The following CMSS1 variants were observed in gnomAD, a reference collection of about 807,000 sequenced individuals.
The protein encoded by CMSS1 is protein CMSS1.
CMSS1 carries 33 observed loss-of-function variants against 43.5 expected under a neutral mutation model. The observed-to-expected ratio is 0.76, with a 90% CI of 0.57 to 1.01. The LOEUF (loss-of-function observed/expected upper bound fraction) is 1.01. CMSS1 is among the 50% of genes least tolerant of loss of function. The probability of loss-of-function intolerance (pLI) is 0.00; values close to 1 mark genes in which losing one functional copy is unlikely to be tolerated. For synonymous variants in CMSS1, 115 were observed against 117.2 expected (o/e 0.98, Z 0.12); for missense variants, 313 against 326.4 (o/e 0.96, Z 0.32).
At chr3:99,945,563 T>C (rs1044222228) in intron 1 of CMSS1, among the ~76,000 whole-genome samples, 17 of 152,204 alleles carry the variant, frequency 1.1e-4, no homozygotes, top group Admixed American at 6.5e-5. Flanking sequence ...GAATCATTAC[T>C]CTCCCTTAAG....
At chr3:99,940,066 T>C (rs1323291240) in intron 1 of CMSS1, among the ~76,000 whole-genome samples, 3 of 152,174 alleles carry the variant, frequency 2.0e-5, no homozygotes, top group Non-Finnish European at 4.4e-5. Context: ...TTCTTAGCTG[T>C]GTGTTGTGAA....
chr3:100,174,348 T>C (rs940440471), intron 8 of CMSS1, among the ~76,000 whole-genome samples: 11 of 152,022 alleles, frequency 7.2e-5, no homozygotes, highest in African/African-American at 2.7e-4. Flanking sequence ...TTTTTGTGTG[T>C]CACCAGACTT....
chr3:100,181,267 A>G lies in CMSS1; in HGVS notation c.*2879A>G, dbSNP rs1407303536. The G allele has an allele frequency of 2.0e-5, 3 of 152,240 alleles. No individual in the cohort carries two copies. Among genetic ancestry groups the G allele is most frequent in the Non-Finnish European group, 4.4e-5 (3 of 68,044 alleles). The allele number at this position is 152,240 out of a possible 1,614,324, so 9.4% of individuals were successfully genotyped here. On this transcript the variant is annotated 3_prime_UTR_variant, in exon 10 of 10. Coordinates refer to ENST00000421999, the MANE Select transcript of CMSS1 (RefSeq NM_032359.4). ...CTTTGTAAACGTATAAAAAGACAAC[A>G]ATATAATTACAGCTGTCTTATTAAC... is the stretch of plus-strand genomic sequence containing the variant.
intron 1 of CMSS1, among the ~76,000 whole-genome samples, chr3:99,832,887 T>C (rs572745923): frequency 6.6e-6 from 1 of 150,612 alleles, no homozygotes; most frequent in African/African-American, 2.4e-5. Context: ...TTGTATGACT[T>C]ATCCTTGGAC....
intron 1 of CMSS1, among the ~76,000 whole-genome samples, chr3:99,838,904 C>T (rs1206250183): frequency 6.6e-6 from 1 of 152,162 alleles, no homozygotes; most frequent in Non-Finnish European, 1.5e-5. Context: ...CACAGAGACT[C>T]CCTAGTGCTG....
intron 1 of CMSS1, among the ~76,000 whole-genome samples, chr3:99,946,951 A>G (rs1212593199): frequency 2.0e-5 from 3 of 152,060 alleles, no homozygotes; most frequent in African/African-American, 7.2e-5. Flanking sequence ...CCTGGCCAAC[A>G]TGGCAAAACC....
rs148024111 is a variant in CMSS1, at chr3:100,008,793, G to A, written c.65-138180G>A. On this transcript the variant is annotated intron_variant, in intron 1 of 9. Coordinates refer to ENST00000421999, the MANE Select transcript of CMSS1 (RefSeq NM_032359.4). ...TCTTGCTCTGGCCCTTGTATTTTGCGTGCAGAAATAGCATAATGTCATCAA... is the reference window on the plus strand; with the variant it reads ...TCTTGCTCTGGCCCTTGTATTTTGCATGCAGAAATAGCATAATGTCATCAA... 5.9e-5 allele frequency among the ~76,000 whole-genome samples: 9 copies of A among 152,080 alleles called. No homozygotes were observed. The South Asian group carries it at 6.2e-4, about 11-fold the overall frequency.
chr3:99,847,528 A>T (rs548653501), intron 1 of CMSS1, among the ~76,000 whole-genome samples: 1 of 152,130 alleles, frequency 6.6e-6, no homozygotes, highest in African/African-American at 2.4e-5. Flanking sequence ...TTCCTATCAC[A>T]TGTCAGAGCT....
At chr3:99,988,006 T>C (rs1363509350) in intron 1 of CMSS1, among the ~76,000 whole-genome samples, 1 of 152,074 alleles carries the variant, frequency 6.6e-6, no homozygotes, top group Non-Finnish European at 1.5e-5. Flanking sequence ...TCTAATCAAA[T>C]GAAAGTAAAA....
rs529155766 is a variant in CMSS1, at chr3:100,102,073, A to G, written c.65-44900A>G. Among the ~76,000 whole-genome samples the G allele has an allele frequency of 3.3e-5, 5 of 152,344 alleles. No homozygotes were observed. In the South Asian group the frequency reaches 1.0e-3, roughly 32 times the overall value. ...CTTTGCTATTGTGAATAGTGCCACA[A>G]TAAACATACGTGTGCATGTGTCTTT... On this transcript the variant is annotated intron_variant, in intron 1 of 9. Coordinates refer to ENST00000421999, the MANE Select transcript of CMSS1 (RefSeq NM_032359.4).
At chr3:100,135,424 TTGTGTGTGTGTGCATGTG>T (rs1373079057) in intron 1 of CMSS1, among the ~76,000 whole-genome samples, 2 of 137,844 alleles carry the variant, frequency 1.5e-5, no homozygotes, top group African/African-American at 5.5e-5. Flanking sequence ...TGAGGAGCCT[TTGTGTGTGTGTGCATGTG>T]TGTGTGTGTG....
intron 1 of CMSS1, among the ~76,000 whole-genome samples, chr3:99,921,743 CTTAAG>C (rs779116992): frequency 6.6e-6 from 1 of 152,160 alleles, no homozygotes; most frequent in Non-Finnish European, 1.5e-5. Context: ...AAAGTAATCT[CTTAAG>C]TTCTTTCTCT....
intron 1 of CMSS1, chr3:99,876,104 C>CGGGCCG (rs1705501889): frequency 3.0e-6 from 3 of 986,256 alleles, no homozygotes; most frequent in South Asian, 4.6e-5. Flanking sequence ...GGGCGGGGGC[C>CGGGCCG]GGGCCGGGGC....
intron 1 of CMSS1, among the ~76,000 whole-genome samples, chr3:100,066,806 C>T (rs1329771718): frequency 1.1e-5 from 1 of 94,858 alleles, no homozygotes; most frequent in African/African-American, 3.4e-5. Context: ...GCTGGGATTA[C>T]AGGCGTGGCT....
In CMSS1 at chr3:100,158,711, T is replaced by C. The variant is rs144229719; in HGVS notation, c.154-1719T>C. ...TGGCTAAAGCAGTTCATCAAGCATG[T>C]TTCGTTTTCCTGTGCATGATTCAGA... On this transcript the variant is annotated intron_variant, in intron 2 of 9. Coordinates refer to ENST00000421999, the MANE Select transcript of CMSS1 (RefSeq NM_032359.4). Among the ~76,000 whole-genome samples, 779 of 152,346 alleles carry C rather than the reference T, an allele frequency of 5.1e-3. 12 individuals are homozygous for C. Among genetic ancestry groups the C allele is most frequent in the African/African-American group, 0.018 (737 of 41,572 alleles).
intron 1 of CMSS1, among the ~76,000 whole-genome samples, chr3:99,921,095 A>G (rs749415163): frequency 5.3e-5 from 8 of 152,128 alleles, no homozygotes; most frequent in Non-Finnish European, 7.4e-5. Flanking sequence ...GAAGGAAGTA[A>G]ACATTGTTCT....
At chr3:100,124,323 G>T (rs376054870) in intron 1 of CMSS1, among the ~76,000 whole-genome samples, 1 of 152,180 alleles carries the variant, frequency 6.6e-6, no homozygotes, top group Non-Finnish European at 1.5e-5. Context: ...GAATAGGAAC[G>T]CTGTCACCAG....
At chr3:99,828,409 G>GTTTT (rs764895023) in intron 1 of CMSS1, among the ~76,000 whole-genome samples, 2 of 9,422 alleles carry the variant, frequency 2.1e-4, no homozygotes, top group Non-Finnish European at 3.8e-4. Flanking sequence ...GTACATACGT[G>GTTTT]TATTTTTTTT....
chr3:100,050,746 T>C lies in CMSS1; in HGVS notation c.65-96227T>C, dbSNP rs13434042. Reference sequence around the variant, plus strand: ...GGTTTCACCATGTTGGCCAGGCTGGTCTCGAACTCCTGACCTCAGGTGATC... The same window carrying C: ...GGTTTCACCATGTTGGCCAGGCTGGCCTCGAACTCCTGACCTCAGGTGATC... On this transcript the variant is annotated intron_variant, in intron 1 of 9. Transcript: ENST00000421999. Among the ~76,000 whole-genome samples, 755 of 152,226 alleles carry C rather than the reference T, an allele frequency of 5.0e-3. 5 individuals carry two copies. Among genetic ancestry groups the C allele is most frequent in the African/African-American group, 0.017 (710 of 41,512 alleles).
Sources: allele counts gnomAD v4.1 joint callset (sites outside exome capture counted in the v4.1 genomes callset), GRCh38; gene constraint gnomAD v4.1.1; transcripts MANE v1.5; gene names NCBI Gene and HGNC (gene_info 2026-07-23, HGNC 2026-07-21).